The following PCDHGA9 variants were observed in gnomAD, a reference collection of about 807,000 sequenced individuals.
The protein encoded by PCDHGA9 is protocadherin gamma subfamily A, 9, also known as protocadherin gamma-A9.
PCDHGA9 carries 37 observed loss-of-function variants against 62.5 expected under a neutral mutation model. That is an observed-to-expected ratio of 0.59 (90% CI 0.46 to 0.78). The LOEUF (loss-of-function observed/expected upper bound fraction) is 0.78. Among genes scored for constraint, PCDHGA9 ranks in the 30% least tolerant of loss-of-function variants. The probability of loss-of-function intolerance (pLI) is 0.00; values close to 1 mark genes in which losing one functional copy is unlikely to be tolerated. For missense variants in PCDHGA9, 1,138 were observed against 1,166.2 expected, an observed-to-expected ratio of 0.98 and a Z score of 0.35; for synonymous variants, 459 against 484.6, an observed-to-expected ratio of 0.95 and a Z score of 0.69.
rs2099622509 is a variant in PCDHGA9 at position 141,485,988 on chromosome 5, G to T, written c.2425-8819G>T. On this transcript the variant is annotated intron_variant, in intron 1 of 3. Coordinates refer to ENST00000573521, the MANE Select transcript of PCDHGA9 (RefSeq NM_018921.3). The surrounding 1 kb of genome is among the most constrained non-coding windows in gnomAD (Gnocchi z 5.7). The stretch of plus-strand genomic sequence containing the variant: ...CTCAATGCCTCAGACCCGGACCTGG[G>T]TCCCAGTGGTAACGTCACCTTTTAT... 16 of 1,614,188 alleles carry T rather than the reference G, an allele frequency of 9.9e-6. No homozygotes were observed. The highest frequency in any genetic ancestry group is 1.4e-5 in the Non-Finnish European group (16 of 1,180,038).
chr5:141,418,754 G>A (rs748707880), intron 1 of PCDHGA9: 1 of 1,613,926 alleles, frequency 6.2e-7, no homozygotes, highest in South Asian at 1.1e-5. Context: ...TTACACTACA[G>A]GAAACATTCT....
intron 1 of PCDHGA9, chr5:141,416,834 C>T (rs966016844): frequency 4.6e-5 from 7 of 151,848 alleles, no homozygotes; most frequent in Non-Finnish European, 1.0e-4. Flanking sequence ...TTCTCAAGAC[C>T]CTTATAATTC....
rs925541311 is a variant in PCDHGA9 at position 141,431,452 on chromosome 5, G to C, written c.2424+26076G>C. 11 of 1,613,630 alleles carry C rather than the reference G, an allele frequency of 6.8e-6. No individual in the cohort carries two copies. The highest frequency in any genetic ancestry group is 9.3e-6 in the Non-Finnish European group (11 of 1,179,982). On this transcript the variant is annotated intron_variant, in intron 1 of 3. Transcript: ENST00000573521. The surrounding 1 kb of genome is among the most constrained non-coding windows in gnomAD (Gnocchi z 4.8). ...CAGGCACCGCGCGCATCCGCGTGAT[G>C]GTTCTGGATGCGAACGACAACGCAC...
chr5:141,421,359 C>A (rs2096566292), intron 1 of PCDHGA9: 6 of 1,614,012 alleles, frequency 3.7e-6, no homozygotes, highest in Non-Finnish European at 5.1e-6. Context: ...AAAAGGGCTC[C>A]TTCGTGGGCA....
At chr5:141,462,786 T>G (rs1394476968) in intron 1 of PCDHGA9, among the ~76,000 whole-genome samples, 1 of 152,216 alleles carries the variant, frequency 6.6e-6, no homozygotes, top group Admixed American at 6.5e-5. Flanking sequence ...AATTTGTTGC[T>G]TATTTGCATG....
chr5:141,458,551 T>A (rs1019302178), intron 1 of PCDHGA9, among the ~76,000 whole-genome samples: 1 of 148,194 alleles, frequency 6.7e-6, no homozygotes, highest in Non-Finnish European at 1.5e-5. Flanking sequence ...TTTGTTTGTT[T>A]GTTTTGGTTT....
At chr5:141,427,898 C>T in intron 1 of PCDHGA9, 4 of 1,570,874 alleles carry the variant, frequency 2.5e-6, no homozygotes, top group African/African-American at 1.3e-5. Flanking sequence ...AGGGCTCGCC[C>T]GCGCTCAGCG....
chr5:141,497,326 T>C (rs1021730142), intron 2 of PCDHGA9, among the ~76,000 whole-genome samples: 1 of 152,060 alleles, frequency 6.6e-6, no homozygotes, highest in Non-Finnish European at 1.5e-5. Flanking sequence ...TGAAGCAGAA[T>C]TCACCATTGA....
chr5:141,408,656 C>G (rs1367377855), intron 1 of PCDHGA9: 1 of 1,614,030 alleles, frequency 6.2e-7, no homozygotes, highest in South Asian at 1.1e-5. Flanking sequence ...TGGTACACGA[C>G]TATCGCTTGA....
chr5:141,487,633 T>C lies in PCDHGA9; in HGVS notation c.2425-7174T>C. On this transcript the variant is annotated intron_variant, in intron 1 of 3. Transcript: ENST00000573521. The surrounding 1 kb of genome is among the most constrained non-coding windows in gnomAD (Gnocchi z 5.0). ...GGCTAGAGGTGAGACCTTTGCAGGCTCAACAAATGCTTGAGGGTTATTCTG... is the reference window on the plus strand; with the variant it reads ...GGCTAGAGGTGAGACCTTTGCAGGCCCAACAAATGCTTGAGGGTTATTCTG... 3 of 1,614,164 alleles carry C rather than the reference T, an allele frequency of 1.9e-6. No individual in the cohort carries two copies. The highest frequency in any genetic ancestry group is 2.7e-5 in the African/African-American group (2 of 75,052).
At chr5:141,464,580 G>A (rs1459502164) in intron 1 of PCDHGA9, among the ~76,000 whole-genome samples, 1 of 152,118 alleles carries the variant, frequency 6.6e-6, no homozygotes, top group East Asian at 1.9e-4. Context: ...AGATGAGAAT[G>A]TCCATTGTCC....
chr5:141,441,295 A>C (rs952946372), intron 1 of PCDHGA9: 3 of 152,240 alleles, frequency 2.0e-5, no homozygotes, highest in Non-Finnish European at 4.4e-5. Flanking sequence ...CACATGTCTG[A>C]TATAAGAAAA....
intron 1 of PCDHGA9, chr5:141,416,482 A>G (rs1009921478): frequency 6.6e-6 from 1 of 152,210 alleles, no homozygotes; most frequent in East Asian, 1.9e-4. Context: ...TGTTCCCGAG[A>G]ACAGGAGCAA....
At chr5:141,495,499 C>T (rs918858395) in intron 2 of PCDHGA9, among the ~76,000 whole-genome samples, 13 of 152,162 alleles carry the variant, frequency 8.5e-5, no homozygotes, top group African/African-American at 2.9e-4. Context: ...CTTGAGTTTC[C>T]GTCTTTGCCA....
intron 2 of PCDHGA9, among the ~76,000 whole-genome samples, chr5:141,496,008 C>CT (rs1468405718): frequency 2.0e-5 from 3 of 151,956 alleles, no homozygotes; most frequent in Non-Finnish European, 4.4e-5. Flanking sequence ...TTTATCTTGT[C>CT]TTTTTTCTCT....
intron 2 of PCDHGA9, among the ~76,000 whole-genome samples, chr5:141,500,189 TTTATTTA>T (rs1562193869): frequency 4.5e-5 from 5 of 110,894 alleles, no homozygotes; most frequent in African/African-American, 1.8e-4. Context: ...TTTATTTTTA[TTTATTTA>T]TTTATTTATT....
Position 141,408,609 on chromosome 5 carries a change from A to T in PCDHGA9, c.2424+3233A>T, listed in dbSNP as rs765291231. 3 of 1,613,970 alleles carry T rather than the reference A, an allele frequency of 1.9e-6. No homozygotes were observed. The highest frequency in any genetic ancestry group is 2.5e-6 in the Non-Finnish European group (3 of 1,179,916). On this transcript the variant is annotated intron_variant, in intron 1 of 3. Coordinates refer to ENST00000573521, the MANE Select transcript of PCDHGA9 (RefSeq NM_018921.3). ...GACCACGCCCCTCAATTTGATAAAA[A>T]GGAAATACATTTAGAAATTTTCGAA...
chr5:141,419,443 C>G lies in PCDHGA9; in HGVS notation c.2424+14067C>G, dbSNP rs1476796525. ...TCGACCACGAGCAGCTGCGCACCTT[C>G]GAGCTCACGCTGCAGGCCCGCGACC... On this transcript the variant is annotated intron_variant, in intron 1 of 3. Coordinates refer to ENST00000573521, the MANE Select transcript of PCDHGA9 (RefSeq NM_018921.3). 6.2e-7 allele frequency: 1 copy of G among 1,613,080 alleles called. No individual in the cohort carries two copies. Among genetic ancestry groups the G allele is most frequent in the Non-Finnish European group, 8.5e-7 (1 of 1,179,758 alleles).
chr5:141,494,394 T>C (rs1437164389), intron 1 of PCDHGA9, among the ~76,000 whole-genome samples: 1 of 152,154 alleles, frequency 6.6e-6, no homozygotes, highest in African/African-American at 2.4e-5. Flanking sequence ...GTTGAATAAA[T>C]TCATTCTAGG....
Sources: allele counts gnomAD v4.1 joint callset (sites outside exome capture counted in the v4.1 genomes callset), GRCh38; gene constraint gnomAD v4.1.1; non-coding constraint Gnocchi (gnomAD v3.1); transcripts MANE v1.5; gene names NCBI Gene and HGNC (gene_info 2026-07-23, HGNC 2026-07-21).